Variants in ANKRD33B observed in about 807,000 individuals in gnomAD.
The protein encoded by ANKRD33B is ankyrin repeat domain 33B.
ANKRD33B carries 6 observed loss-of-function variants against 21.5 expected under a neutral mutation model. The ratio of observed to expected loss-of-function variants is 0.28; its 90% CI spans 0.15 to 0.55. The LOEUF is 0.55. ANKRD33B is among the 20% of genes least tolerant of loss of function. The probability of loss-of-function intolerance (pLI) is 0.94; values close to 1 mark genes in which losing one functional copy is unlikely to be tolerated. For missense variants in ANKRD33B, 698 were observed against 747.2 expected (o/e 0.93, Z 0.77); for synonymous variants, 347 against 342.4 (o/e 1.01, Z -0.15).
In ANKRD33B at chr5:10,636,902, C is replaced by T. The variant is rs138266328; in HGVS notation, c.497-1126C>T. On this transcript the variant is annotated intron_variant, in intron 2 of 3. Coordinates refer to ENST00000296657, the MANE Select transcript of ANKRD33B (RefSeq NM_001164440.2). ...ATGGCGGTTTGGTGGTGTCTGGACA[C>T]AGTTTTGGTTGTCACAACCTATGCG... 3.9e-3 allele frequency among the ~76,000 whole-genome samples: 593 copies of T among 152,326 alleles called. 3 individuals are homozygous for T. Among genetic ancestry groups the T allele is most frequent in the African/African-American group, 0.013 (556 of 41,562 alleles).
At position 10,564,511 on chromosome 5, in the gene ANKRD33B, G is replaced by T. The variant is rs955295239; in HGVS notation, c.44G>T (p.Arg15Leu). 16 of 1,523,390 alleles carry T rather than the reference G, an allele frequency of 1.1e-5. No individual in the cohort carries two copies. The Admixed American group carries it at 3.0e-4, about 28-fold the overall frequency. The allele number at this position is 1,523,390 out of a possible 1,614,324, so 94.4% of individuals were successfully genotyped here. A position where few individuals can be genotyped will look rare whatever the true frequency, so the allele number is the denominator to read the frequency against. The change falls in exon 1 of 4, where the codon CGC (arginine) becomes CTC (leucine). Residue 15 changes from arginine (R) to leucine (L), a missense_variant. Arg to Leu is a moderately radical substitution (Grantham distance 102). Around this residue, in one of 3 missense-constraint regions of ANKRD33B, gnomAD observed 148 missense variants for 154.9 expected, o/e 0.96. Coordinates refer to ENST00000296657, the MANE Select transcript of ANKRD33B (RefSeq NM_001164440.2). ...ACCGGGCCGGAGGGCGGCGGGGCGCGCTGCATGACCCCACCACCGCCGTCC... is the reference window on the plus strand; with the variant it reads ...ACCGGGCCGGAGGGCGGCGGGGCGCTCTGCATGACCCCACCACCGCCGTCC... ...AGTGPEGGGA[R>L]CMTPPPPSPP...
intron 2 of ANKRD33B, among the ~76,000 whole-genome samples, chr5:10,628,833 G>A (rs1349359816): frequency 6.6e-6 from 1 of 152,152 alleles, no homozygotes; most frequent in African/African-American, 2.4e-5. Flanking sequence ...ATGAGACACC[G>A]TGGGTCAAGG....
chr5:10,599,350 A>C (rs1426242961), intron 1 of ANKRD33B, among the ~76,000 whole-genome samples: 1 of 152,128 alleles, frequency 6.6e-6, no homozygotes, highest in Non-Finnish European at 1.5e-5. Context: ...TTGTGGTGAA[A>C]TATATATAAC....
At chr5:10,577,872 G>A (rs544983032) in intron 1 of ANKRD33B, among the ~76,000 whole-genome samples, 9 of 152,308 alleles carry the variant, frequency 5.9e-5, no homozygotes, top group South Asian at 2.1e-4. Context: ...TTGCTGCACC[G>A]TGGGGTCCTT....
chr5:10,622,656 A>G (rs558700834), intron 2 of ANKRD33B, among the ~76,000 whole-genome samples: 2 of 152,260 alleles, frequency 1.3e-5, no homozygotes, highest in Middle Eastern at 3.4e-3. Flanking sequence ...CATTTTTTAA[A>G]TTGTTTCCTA....
intron 3 of ANKRD33B, among the ~76,000 whole-genome samples, chr5:10,648,715 T>C (rs1440735875): frequency 2.0e-5 from 3 of 151,920 alleles, no homozygotes; most frequent in Non-Finnish European, 2.9e-5. Flanking sequence ...ACGGAGATTG[T>C]GCCATTGCAC....
At chr5:10,588,411 A>G (rs1735614167) in intron 1 of ANKRD33B, among the ~76,000 whole-genome samples, 1 of 152,198 alleles carries the variant, frequency 6.6e-6, no homozygotes, top group African/African-American at 2.4e-5. Flanking sequence ...TCTGGTTTGC[A>G]GATTAGTAAC....
intron 2 of ANKRD33B, among the ~76,000 whole-genome samples, chr5:10,631,886 G>T (rs932950126): frequency 1.3e-5 from 2 of 152,214 alleles, no homozygotes; most frequent in African/African-American, 4.8e-5. Flanking sequence ...TCTCTCATGA[G>T]GACGGAATGC....
At chr5:10,626,006 G>A (rs11740884) in intron 2 of ANKRD33B, among the ~76,000 whole-genome samples, 1 of 152,148 alleles carries the variant, frequency 6.6e-6, no homozygotes, top group South Asian at 2.1e-4. Context: ...AGTGACCCAG[G>A]CCAAGAAGCT....
At chr5:10,565,185 G>T (rs940241806) in intron 1 of ANKRD33B, among the ~76,000 whole-genome samples, 26 of 152,308 alleles carry the variant, frequency 1.7e-4, no homozygotes, top group African/African-American at 6.3e-4. Context: ...CTTGCGGCCC[G>T]GTCCCCTCCT....
intron 2 of ANKRD33B, among the ~76,000 whole-genome samples, chr5:10,632,392 G>C (rs1294703717): frequency 6.6e-6 from 1 of 152,190 alleles, no homozygotes; most frequent in African/African-American, 2.4e-5. Context: ...CTGAGAAGCC[G>C]GTCGGGCCCG....
chr5:10,596,611 G>A (rs922759231), intron 1 of ANKRD33B, among the ~76,000 whole-genome samples: 4 of 152,126 alleles, frequency 2.6e-5, no homozygotes, highest in Admixed American at 6.5e-5. Flanking sequence ...GAACCAATTT[G>A]GAAAACATAA....
At position 10,638,954 on chromosome 5, in the gene ANKRD33B, G is replaced by A. The variant is rs565830279; in HGVS notation, c.637+786G>A. On this transcript the variant is annotated intron_variant, in intron 3 of 3. Transcript: ENST00000296657. ...TTGCGCGGCGATATTAGCGGGTGAC[G>A]CGGAGTTGCACGGCGATGTTAGCGG... 1.3e-4 allele frequency among the ~76,000 whole-genome samples: 14 copies of A among 111,158 alleles called. 1 individual carries two copies. Among genetic ancestry groups the A allele is most frequent in the African/African-American group, 1.9e-4 (6 of 31,880 alleles). The allele number at this position is 111,158 out of a possible 152,430, so 72.9% of individuals were successfully genotyped here. A position where few individuals can be genotyped will look rare whatever the true frequency, so the allele number is the denominator to read the frequency against.
In ANKRD33B at chr5:10,582,134, C is replaced by T. The variant is rs112743789; in HGVS notation, c.366+17301C>T. Among the ~76,000 whole-genome samples the T allele has an allele frequency of 9.7e-3, 1,482 of 152,336 alleles. 20 individuals are homozygous for T. The highest frequency in any genetic ancestry group is 0.029 in the South Asian group (141 of 4,830). On this transcript the variant is annotated intron_variant, in intron 1 of 3. Transcript: ENST00000296657. ...CCTTCTTAACGTATTCCTTTTGCCTCCAGGGCCAGCTTCCTGGGTATACAG... is the reference window on the plus strand; with the variant it reads ...CCTTCTTAACGTATTCCTTTTGCCTTCAGGGCCAGCTTCCTGGGTATACAG...
chr5:10,597,495 T>A (rs1735843401), intron 1 of ANKRD33B, among the ~76,000 whole-genome samples: 1 of 152,110 alleles, frequency 6.6e-6, no homozygotes, highest in African/African-American at 2.4e-5. Flanking sequence ...GAGCTAACTA[T>A]CCTAAATATA....
intron 1 of ANKRD33B, among the ~76,000 whole-genome samples, chr5:10,575,575 G>GGA (rs1579711044): frequency 6.6e-6 from 1 of 152,112 alleles, no homozygotes; most frequent in Non-Finnish European, 1.5e-5. Context: ...TATTTAAGTT[G>GGA]GAGAGCTTTC....
intron 1 of ANKRD33B, among the ~76,000 whole-genome samples, chr5:10,609,068 G>A (rs1736110889): frequency 6.6e-6 from 1 of 152,184 alleles, no homozygotes; most frequent in African/African-American, 2.4e-5. Context: ...AAGTGGCTGT[G>A]GAACACAGTG....
intron 3 of ANKRD33B, among the ~76,000 whole-genome samples, chr5:10,639,007 G>GCGGGTGAC (rs1736949940): frequency 2.5e-5 from 2 of 80,286 alleles, no homozygotes; most frequent in Non-Finnish European, 5.5e-5. Flanking sequence ...GGCGATGTTA[G>GCGGGTGAC]GCGGTGACGC....
At position 10,656,342 on chromosome 5, in the gene ANKRD33B, T is replaced by G. The variant is rs1162450841; in HGVS notation, c.*6229T>G. ...CACGCTGACCCAGCCTGACTAAGAC[T>G]TGATAAAAGGCACAGCCCTTGGCAG... On this transcript the variant is annotated 3_prime_UTR_variant, in exon 4 of 4. Coordinates refer to ENST00000296657, the MANE Select transcript of ANKRD33B (RefSeq NM_001164440.2). 1 of 152,346 alleles carries G rather than the reference T, an allele frequency of 6.6e-6. No homozygotes were observed. Among genetic ancestry groups the G allele is most frequent in the Admixed American group, 6.5e-5 (1 of 15,276 alleles). 9.4% of individuals were successfully genotyped at this position (152,346 alleles called of 1,614,324 possible).
Sources: allele counts gnomAD v4.1 joint callset (sites outside exome capture counted in the v4.1 genomes callset), GRCh38; gene constraint gnomAD v4.1.1; regional missense constraint gnomAD v4.1.1; transcripts MANE v1.5; gene names NCBI Gene and HGNC (gene_info 2026-07-23, HGNC 2026-07-21).